PSMD14: variants seen among roughly 807,000 people sequenced by gnomAD.
The protein encoded by PSMD14 is ubiquitin C-terminal hydrolase PSMD14.
Under a neutral mutation model 41.2 loss-of-function variants are expected in PSMD14, and 7 were observed. The observed-to-expected ratio is 0.17, with a 90% CI of 0.10 to 0.32. PSMD14 has a LOEUF of 0.32. Among genes scored for constraint, PSMD14 ranks in the 10% least tolerant of loss-of-function variants. The pLI, the probability that PSMD14 is intolerant of heterozygous loss-of-function variation, is 1.00. For synonymous variants in PSMD14, 114 were observed against 122.3 expected (o/e 0.93, Z 0.45); for missense variants, 139 against 375.6 (o/e 0.37, Z 5.21).
intron 3 of PSMD14, among the ~76,000 whole-genome samples, chr2:161,344,030 T>G (rs1034220607): frequency 6.6e-6 from 1 of 150,966 alleles, no homozygotes; most frequent in African/African-American, 2.4e-5. Context: ...GTATTATAAG[T>G]AATCTAGAGA....
chr2:161,352,799 T>C (rs1317592285), intron 3 of PSMD14, among the ~76,000 whole-genome samples: 2 of 152,280 alleles, frequency 1.3e-5, no homozygotes, highest in Non-Finnish European at 2.9e-5. Flanking sequence ...AATGTAATTA[T>C]ATTTGAAAAA....
intron 3 of PSMD14, 128 bp downstream of exon 3, chr2:161,319,001 T>A (rs920116487): frequency 1.7e-6 from 1 of 602,818 alleles, no homozygotes; most frequent in Non-Finnish European, 2.8e-6. Context: ...GAATCTTACC[T>A]TATTGATGTT....
At chr2:161,350,812 T>A (rs1257074397) in intron 3 of PSMD14, among the ~76,000 whole-genome samples, 1 of 152,248 alleles carries the variant, frequency 6.6e-6, no homozygotes, top group Non-Finnish European at 1.5e-5. Context: ...ATATCTTGAT[T>A]AATGGTATTG....
intron 10 of PSMD14, 127 bp downstream of exon 10, chr2:161,395,330 T>C (rs1373263235): frequency 1.0e-6 from 1 of 969,586 alleles, no homozygotes; most frequent in African/African-American, 1.7e-5. Flanking sequence ...ATATTTGCTT[T>C]GCAGTTCATC....
intron 11 of PSMD14, among the ~76,000 whole-genome samples, chr2:161,410,986 A>C (rs770544114): frequency 1.3e-5 from 2 of 152,120 alleles, no homozygotes; most frequent in Non-Finnish European, 2.9e-5. Context: ...ACATATATAA[A>C]TGAAATTTTT....
chr2:161,383,400 C>A (rs941099487), intron 7 of PSMD14: 2 of 151,928 alleles, frequency 1.3e-5, no homozygotes, highest in Admixed American at 1.3e-4. Context: ...GAAAGCATCT[C>A]ATTTTATTAA....
At chr2:161,360,932 G>T (rs1247467586) in intron 3 of PSMD14, among the ~76,000 whole-genome samples, 1 of 152,166 alleles carries the variant, frequency 6.6e-6, no homozygotes, top group African/African-American at 2.4e-5. Context: ...ATTTGCTTGT[G>T]TACTGACTTC....
intron 3 of PSMD14, among the ~76,000 whole-genome samples, chr2:161,347,914 A>G (rs2105245614): frequency 6.6e-6 from 1 of 152,326 alleles, no homozygotes; most frequent in South Asian, 2.1e-4. Context: ...TAAAAAGCAA[A>G]CAGTGAGCTA....
chr2:161,345,297 C>T (rs1683024338), intron 3 of PSMD14, among the ~76,000 whole-genome samples: 1 of 131,794 alleles, frequency 7.6e-6, no homozygotes, highest in African/African-American at 2.9e-5. Context: ...GGCTGGAGTG[C>T]AGTGCCGTGA....
chr2:161,346,852 C>T (rs962247907), intron 3 of PSMD14, among the ~76,000 whole-genome samples: 5 of 151,924 alleles, frequency 3.3e-5, no homozygotes, highest in Non-Finnish European at 5.9e-5. Flanking sequence ...TCCCTGTAAT[C>T]CTTTTGAGTG....
chr2:161,383,682 C>A (rs1683597806), intron 7 of PSMD14: 1 of 151,586 alleles, frequency 6.6e-6, no homozygotes, highest in South Asian at 2.1e-4. Flanking sequence ...CTCCCTCTCA[C>A]AAATGAATTT....
chr2:161,406,401 G>A (rs1418268017), intron 10 of PSMD14, among the ~76,000 whole-genome samples: 1 of 152,150 alleles, frequency 6.6e-6, no homozygotes, highest in Non-Finnish European at 1.5e-5. Flanking sequence ...GAGCACGAAT[G>A]CAAAAGCAAA....
At chr2:161,313,221 T>TA (rs1465222226) in intron 1 of PSMD14, among the ~76,000 whole-genome samples, 1 of 152,148 alleles carries the variant, frequency 6.6e-6, no homozygotes, top group Non-Finnish European at 1.5e-5. Flanking sequence ...CCAGGCAAAA[T>TA]AGTCATTAGT....
chr2:161,331,902 T>A (rs1432700369), intron 3 of PSMD14, among the ~76,000 whole-genome samples: 3 of 152,226 alleles, frequency 2.0e-5, no homozygotes, highest in African/African-American at 4.8e-5. Context: ...ATAATTATTT[T>A]CATATTATAG....
chr2:161,361,118 G>A (rs995825613), intron 3 of PSMD14, among the ~76,000 whole-genome samples: 3 of 151,944 alleles, frequency 2.0e-5, no homozygotes, highest in East Asian at 1.9e-4. Context: ...TTTTGGCATA[G>A]CATTTGTTAC....
intron 9 of PSMD14, among the ~76,000 whole-genome samples, chr2:161,393,036 C>T (rs1472069460): frequency 6.6e-6 from 1 of 151,990 alleles, no homozygotes; most frequent in Non-Finnish European, 1.5e-5. Flanking sequence ...TGTTTATGTT[C>T]TTAATAGCTC....
chr2:161,411,427 C>T lies in PSMD14; in HGVS notation c.*27C>T. 6.7e-7 allele frequency: 1 copy of T among 1,484,086 alleles called. No individual in the cohort carries two copies. The highest frequency in any genetic ancestry group is 9.3e-7 in the Non-Finnish European group (1 of 1,073,082). 91.9% of individuals were successfully genotyped at this position (1,484,086 alleles called of 1,614,324 possible). ...GCAACGAAAAACGCTATTAATGATGCCTTCAGTGTATATTCCTCTGTTGTT... is the reference window on the plus strand; with the variant it reads ...GCAACGAAAAACGCTATTAATGATGTCTTCAGTGTATATTCCTCTGTTGTT... On this transcript the variant is annotated 3_prime_UTR_variant, in exon 12 of 12. Coordinates refer to ENST00000409682, the MANE Select transcript of PSMD14 (RefSeq NM_005805.6).
At chr2:161,408,716 A>C (rs1683986880) in intron 10 of PSMD14, 121 bp from the exon 11 acceptor site, 1 of 684,350 alleles carries the variant, frequency 1.5e-6, no homozygotes. Flanking sequence ...TTGTTCAGTA[A>C]ATTATTTGAA....
chr2:161,339,530 T>A (rs1682919215), intron 3 of PSMD14, among the ~76,000 whole-genome samples: 1 of 141,926 alleles, frequency 7.0e-6, no homozygotes, highest in Non-Finnish European at 1.5e-5. Flanking sequence ...GATCATCTAC[T>A]CAAAGTTTAT....
Sources: allele counts gnomAD v4.1 joint callset (sites outside exome capture counted in the v4.1 genomes callset), GRCh38; gene constraint gnomAD v4.1.1; transcripts MANE v1.5; gene names NCBI Gene and HGNC (gene_info 2026-07-23, HGNC 2026-07-21).